Variants in QSER1 observed in about 807,000 individuals in gnomAD.
The protein encoded by QSER1 is glutamine and serine-rich protein 1.
A neutral mutation model predicts 158.5 loss-of-function variants in QSER1; 49 were observed. That is an observed-to-expected ratio of 0.31 (90% CI 0.25 to 0.39). The LOEUF is 0.39. QSER1 is among the 10% of genes least tolerant of loss of function. QSER1 has a pLI of 1.00. For synonymous variants in QSER1, 650 were observed against 715.5 expected, an observed-to-expected ratio of 0.91 and a Z score of 1.46; for missense variants, 1,754 against 2,010.3, an observed-to-expected ratio of 0.87 and a Z score of 2.44.
chr11:32,966,313 C>T lies in QSER1; in HGVS notation c.4983C>T (p.Pro1661=), dbSNP rs566727872. Residue 1661 remains proline, a synonymous_variant, in exon 9 of 13, where the codon CCC becomes CCT. Coordinates refer to ENST00000650167, the MANE Select transcript of QSER1 (RefSeq NM_001076786.3). ...TCTCCCTCCCAGAATTTGAACCTCC[C>T]GCTCCCTTTGTCACTCGCTTTTTGA... The part of the protein sequence containing the change: ...SSSDDEEFEP[P]APFVTRFLNT... The T allele has an allele frequency of 3.2e-5, 51 of 1,613,504 alleles. No individual in the cohort carries two copies. The highest frequency in any genetic ancestry group is 3.1e-4 in the South Asian group (28 of 90,982).
In QSER1 at chr11:32,913,651, G is replaced by A. The variant is rs558802166; in HGVS notation, c.210-13506G>A. ...GTATAAATGCAGAACTTACCTTTAG[G>A]TGCAACAATAGTAGCATTGATTCAG... On this transcript the variant is annotated intron_variant, in intron 1 of 12. Transcript: ENST00000650167. Among the ~76,000 whole-genome samples, 53 of 152,250 alleles carry A rather than the reference G, an allele frequency of 3.5e-4. 1 individual carries two copies. The highest frequency in any genetic ancestry group is 3.4e-3 in the Middle Eastern group (1 of 294).
chr11:32,926,417 T>G (rs576420962), intron 1 of QSER1, among the ~76,000 whole-genome samples: 1 of 152,302 alleles, frequency 6.6e-6, no homozygotes, highest in African/African-American at 2.4e-5. Flanking sequence ...TATCTCCAAG[T>G]TATTTTCAAG....
chr11:32,953,402 G>C (rs1852456693), intron 4 of QSER1, among the ~76,000 whole-genome samples: 1 of 151,668 alleles, frequency 6.6e-6, no homozygotes, highest in Non-Finnish European at 1.5e-5. Flanking sequence ...ACCCAGGCTG[G>C]AGTGCAGTGG....
intron 4 of QSER1, among the ~76,000 whole-genome samples, chr11:32,942,759 A>G (rs1852262687): frequency 6.6e-6 from 1 of 152,000 alleles, no homozygotes; most frequent in South Asian, 2.1e-4. Context: ...GTTTTTTCCA[A>G]TTCTGTGAAG....
chr11:32,950,382 C>T (rs1395465116), intron 4 of QSER1, among the ~76,000 whole-genome samples: 2 of 152,182 alleles, frequency 1.3e-5, no homozygotes, highest in Non-Finnish European at 2.9e-5. Flanking sequence ...GCATGAACCA[C>T]TGTGCCTGGC....
rs746335210 is a variant in QSER1, at chr11:32,933,142, C to T, written c.1884C>T (p.Ser628=). 3.7e-6 allele frequency: 6 copies of T among 1,613,102 alleles called. No individual in the cohort carries two copies. The South Asian group carries it at 4.4e-5, about 12-fold the overall frequency. Residue 628 remains serine (S), a synonymous_variant, in exon 4 of 13, where the codon TCC becomes TCT. Coordinates refer to ENST00000650167, the MANE Select transcript of QSER1 (RefSeq NM_001076786.3). ...AGAATTATATTTCTATGCATTCTTCCCAAAATGTTCAGACTCAAGAGTCAT... is the reference window on the plus strand; with the variant it reads ...AGAATTATATTTCTATGCATTCTTCTCAAAATGTTCAGACTCAAGAGTCAT... The part of the protein sequence containing the change: ...PTQNYISMHS[S]QNVQTQESSS...
chr11:32,910,377 T>C (rs1456019752), intron 1 of QSER1, among the ~76,000 whole-genome samples: 1 of 152,246 alleles, frequency 6.6e-6, no homozygotes, highest in Non-Finnish European at 1.5e-5. Context: ...CAAAGACTTA[T>C]CCTTTTATTA....
intron 1 of QSER1, among the ~76,000 whole-genome samples, chr11:32,903,283 T>A (rs1053204652): frequency 6.6e-6 from 1 of 151,824 alleles, no homozygotes; most frequent in African/African-American, 2.4e-5. Flanking sequence ...GCACCTCTCA[T>A]ATTCTAGACA....
intron 3 of QSER1, among the ~76,000 whole-genome samples, chr11:32,930,786 T>A (rs1157693100): frequency 2.0e-5 from 3 of 152,130 alleles, no homozygotes; most frequent in Non-Finnish European, 4.4e-5. Context: ...ACTCATTTCT[T>A]TAGAATAAAT....
rs772965512 is a variant in QSER1 at position 32,932,398 on chromosome 11, G to T, written c.1140G>T (p.Gln380His). 5.6e-6 allele frequency: 9 copies of T among 1,612,638 alleles called. No homozygotes were observed. The highest frequency in any genetic ancestry group is 5.9e-6 in the Non-Finnish European group (7 of 1,179,988). ...AGGTGAGCAACGGAGGATTACAACA[G>T]AAGACCTCCCAGGTCTCAGTGGAAC... ...STQVSNGGLQ[Q>H]KTSQVSVELA... Residue 380 changes from glutamine to histidine, a missense_variant, in exon 4 of 13, where the codon CAG (glutamine) becomes CAT (histidine). Around this residue, in one of 2 missense-constraint regions of QSER1, gnomAD observed 1,707 missense variants for 1,919.6 expected, o/e 0.89. Transcript: ENST00000650167.
At chr11:32,964,739 T>TACACACACACACACACAC (rs1176492165) in intron 8 of QSER1, among the ~76,000 whole-genome samples, 3 of 100,758 alleles carry the variant, frequency 3.0e-5, no homozygotes, top group Non-Finnish European at 1.9e-5. Context: ...TATATATATA[T>TACACACACACACACACAC]ACACACACAC....
intron 7 of QSER1, 131 bp downstream of exon 7, chr11:32,956,252 G>T (rs1852510073): frequency 1.4e-6 from 1 of 725,500 alleles, no homozygotes; most frequent in Non-Finnish European, 2.3e-6. Context: ...TTCAGTGCCT[G>T]ATGAAATAAG....
chr11:32,956,322 G>A (rs1265473935), intron 7 of QSER1, among the ~76,000 whole-genome samples: 1 of 151,914 alleles, frequency 6.6e-6, no homozygotes, highest in Non-Finnish European at 1.5e-5. Context: ...GTGGTGGGTG[G>A]GTGCCCTTTT....
intron 8 of QSER1, among the ~76,000 whole-genome samples, chr11:32,965,215 A>G (rs1246621665): frequency 1.3e-5 from 2 of 152,134 alleles, no homozygotes; most frequent in Non-Finnish European, 2.9e-5. Flanking sequence ...GGACTCAAGC[A>G]ATCCTCCCGC....
At chr11:32,931,716 A>T in intron 3 of QSER1, 27 bp from the exon 4 acceptor site, 1 of 1,516,740 alleles carries the variant, frequency 6.6e-7, no homozygotes. Context: ...ATAATTACAT[A>T]AAAATCTTTG....
rs1315587309 is a variant in QSER1 at position 32,943,844 on chromosome 11, G to A, written c.4177+8409G>A. Among the ~76,000 whole-genome samples the A allele has an allele frequency of 5.3e-5, 8 of 152,138 alleles. No homozygotes were observed. The East Asian group carries it at 1.2e-3, about 22-fold the overall frequency. On this transcript the variant is annotated intron_variant, in intron 4 of 12. Transcript: ENST00000650167. ...CCTCCTTGTACCTCTGGTAGAATTC[G>A]GCTGTGAATCCATCTGGTCCTGGAC... is the stretch of plus-strand genomic sequence containing the variant.
chr11:32,924,659 A>G (rs529646334), intron 1 of QSER1, among the ~76,000 whole-genome samples: 1 of 152,216 alleles, frequency 6.6e-6, no homozygotes. Context: ...CCCAATACAT[A>G]TATTTGAGAA....
At chr11:32,929,554 T>G (rs1207770395) in intron 3 of QSER1, among the ~76,000 whole-genome samples, 1 of 152,156 alleles carries the variant, frequency 6.6e-6, no homozygotes, top group East Asian at 1.9e-4. Flanking sequence ...AAAAGGAATT[T>G]AATGGATTTT....
At chr11:32,954,839 C>T (rs572016353) in intron 5 of QSER1, among the ~76,000 whole-genome samples, 2 of 152,124 alleles carry the variant, frequency 1.3e-5, no homozygotes, top group Non-Finnish European at 2.9e-5. Context: ...CTGCATACAG[C>T]CACTTTTGCC....
Sources: allele counts gnomAD v4.1 joint callset (sites outside exome capture counted in the v4.1 genomes callset), GRCh38; gene constraint gnomAD v4.1.1; regional missense constraint gnomAD v4.1.1; transcripts MANE v1.5; gene names NCBI Gene and HGNC (gene_info 2026-07-23, HGNC 2026-07-21).